The following TMED3 variants were observed in gnomAD, a reference collection of about 807,000 sequenced individuals.
TMED3 encodes transmembrane p24 trafficking protein 3.
A neutral mutation model predicts 15.0 loss-of-function variants in TMED3; 9 were observed. That is an observed-to-expected ratio of 0.60 (90% CI 0.36 to 1.04). The LOEUF (loss-of-function observed/expected upper bound fraction) is 1.04, where lower values mean the gene tolerates loss of function less well. TMED3 is among the 50% of genes least tolerant of loss of function. The pLI, the probability that TMED3 is intolerant of heterozygous loss-of-function variation, is 0.01. For missense variants in TMED3, 267 were observed against 278.9 expected (o/e 0.96, Z 0.30); for synonymous variants, 117 against 121.4 (o/e 0.96, Z 0.24).
chr15:79,402,417 G>A (rs1893845923), intron 2 of TMED3, among the ~76,000 whole-genome samples: 3 of 152,202 alleles, frequency 2.0e-5, no homozygotes, highest in Non-Finnish European at 2.9e-5. Flanking sequence ...TCATAATAGA[G>A]CCAAGGCTTG....
chr15:79,393,996 C>A (rs1208747256), intron 2 of TMED3, among the ~76,000 whole-genome samples: 2 of 152,114 alleles, frequency 1.3e-5, no homozygotes, highest in African/African-American at 4.8e-5. Context: ...AGTGCCCGGC[C>A]CATTTAGACA....
At position 79,319,058 on chromosome 15, in the gene TMED3, G is replaced by T. The variant is rs947169329; in HGVS notation, c.418-2920G>T. On this transcript the variant is annotated intron_variant, in intron 2 of 2. Transcript: ENST00000299705. ...TAGCCCAAAATAATAGAGGATAGAG[G>T]ATGTCACTGAGAAAACAGGACAGAG... is the stretch of plus-strand genomic sequence containing the variant. 3.3e-5 allele frequency among the ~76,000 whole-genome samples: 5 copies of T among 152,340 alleles called. No individual in the cohort carries two copies. The East Asian group carries it at 5.8e-4, about 18-fold the overall frequency.
intron 2 of TMED3, among the ~76,000 whole-genome samples, chr15:79,388,157 T>C (rs562969122): frequency 6.6e-6 from 1 of 152,270 alleles, no homozygotes; most frequent in South Asian, 2.1e-4. Context: ...AATATTTTTG[T>C]CTTTTTCCCA....
At chr15:79,347,635 A>G (rs1228773891) in intron 2 of TMED3, among the ~76,000 whole-genome samples, 4 of 152,200 alleles carry the variant, frequency 2.6e-5, no homozygotes, top group Non-Finnish European at 5.9e-5. Context: ...AAACATCCCC[A>G]TAGTCTCACC....
chr15:79,399,906 G>A (rs55845410), intron 2 of TMED3, among the ~76,000 whole-genome samples: 5,288 of 152,194 alleles, frequency 0.035, 296 homozygotes, highest in African/African-American at 0.12. Context: ...CTTCCTCTCC[G>A]TGAGGTCCAC....
chr15:79,370,178 C>T, intron 2 of TMED3, among the ~76,000 whole-genome samples: 1 of 151,978 alleles, frequency 6.6e-6, no homozygotes, highest in South Asian at 2.1e-4. Flanking sequence ...GCAACCTCCA[C>T]CTCCCAGATT....
At chr15:79,409,517 A>G (rs1893943780) in intron 2 of TMED3, among the ~76,000 whole-genome samples, 2 of 152,190 alleles carry the variant, frequency 1.3e-5, no homozygotes, top group Non-Finnish European at 2.9e-5. Flanking sequence ...GCCCGCTAAC[A>G]TTAATTTGCT....
chr15:79,411,890 G>T, exon 3 of TMED3: 1 of 188,512 alleles, frequency 5.3e-6, no homozygotes, highest in Non-Finnish European at 1.1e-5. Flanking sequence ...AACCCTAGGG[G>T]GACTGTTGAA....
chr15:79,339,451 G>A (rs1358901011), intron 2 of TMED3, among the ~76,000 whole-genome samples: 1 of 152,058 alleles, frequency 6.6e-6, no homozygotes, highest in African/African-American at 2.4e-5. Flanking sequence ...GAGACCCACC[G>A]ACCCTGTGGG....
intron 2 of TMED3, among the ~76,000 whole-genome samples, chr15:79,378,871 T>C (rs1272605235): frequency 1.3e-5 from 2 of 151,662 alleles, no homozygotes; most frequent in African/African-American, 2.4e-5. Context: ...CTCAGAAATA[T>C]GGAGGTGGGA....
At chr15:79,346,962 T>A (rs1349208818) in intron 2 of TMED3, among the ~76,000 whole-genome samples, 1 of 152,212 alleles carries the variant, frequency 6.6e-6, no homozygotes, top group South Asian at 2.1e-4. Context: ...ACAAAGACGA[T>A]CTGGTAGCAT....
chr15:79,391,679 G>A (rs539749029), intron 2 of TMED3, among the ~76,000 whole-genome samples: 7 of 12,570 alleles, frequency 5.6e-4, no homozygotes, highest in African/African-American at 6.3e-4. Context: ...TGTCAGTGGA[G>A]TATTGAAGCC....
chr15:79,380,471 A>G (rs1893506423), intron 2 of TMED3, among the ~76,000 whole-genome samples: 1 of 147,432 alleles, frequency 6.8e-6, no homozygotes, highest in South Asian at 2.1e-4. Flanking sequence ...ATATGGTTAT[A>G]TATAGTTATA....
intron 2 of TMED3, among the ~76,000 whole-genome samples, chr15:79,320,126 C>T (rs141989375): frequency 9.8e-5 from 15 of 152,308 alleles, no homozygotes; most frequent in African/African-American, 3.6e-4. Context: ...TACCGCTAGA[C>T]CACAGTCCAC....
intron 2 of TMED3, among the ~76,000 whole-genome samples, chr15:79,358,199 G>A (rs1893050270): frequency 6.6e-6 from 1 of 152,204 alleles, no homozygotes; most frequent in Non-Finnish European, 1.5e-5. Context: ...CAGGCTGGGA[G>A]GAGGCTGTGT....
At chr15:79,353,752 T>C (rs1384164718) in intron 2 of TMED3, among the ~76,000 whole-genome samples, 1 of 151,102 alleles carries the variant, frequency 6.6e-6, no homozygotes, top group African/African-American at 2.4e-5. Flanking sequence ...ATGAAGACAT[T>C]ATTGTGTTAT....
intron 2 of TMED3, among the ~76,000 whole-genome samples, chr15:79,337,933 G>A (rs1357881765): frequency 6.6e-6 from 1 of 152,196 alleles, no homozygotes. Context: ...AACGTTGCAT[G>A]CTTGTATATG....
At chr15:79,344,448 A>G (rs1301365467) in intron 2 of TMED3, among the ~76,000 whole-genome samples, 1 of 152,140 alleles carries the variant, frequency 6.6e-6, no homozygotes, top group African/African-American at 2.4e-5. Context: ...TCTCTCCAGG[A>G]TTCTGGTGGC....
chr15:79,335,344 C>T (rs1198727578), intron 2 of TMED3, among the ~76,000 whole-genome samples: 1 of 152,008 alleles, frequency 6.6e-6, no homozygotes, highest in African/African-American at 2.4e-5. Flanking sequence ...ACAACAAAGA[C>T]AAAAAAGCAA....
Sources: allele counts gnomAD v4.1 joint callset (sites outside exome capture counted in the v4.1 genomes callset), GRCh38; gene constraint gnomAD v4.1.1; transcripts MANE v1.5; gene names NCBI Gene and HGNC (gene_info 2026-07-23, HGNC 2026-07-21).